APBB2: variants seen among roughly 807,000 people sequenced by gnomAD.
APBB2 encodes the protein Fe65-like 1.
In APBB2, 38 loss-of-function variants were observed where a neutral mutation model predicts 82.5. The observed-to-expected ratio is 0.46, with a 90% CI of 0.36 to 0.60. APBB2 has a LOEUF of 0.60. Ranked by LOEUF, APBB2 falls within the 20% of genes least tolerant of loss-of-function variation. The pLI is 0.00. For missense variants in APBB2, 772 were observed against 972.3 expected (o/e 0.79, Z 2.74); for synonymous variants, 341 against 368.2 (o/e 0.93, Z 0.85).
intron 4 of APBB2, among the ~76,000 whole-genome samples, chr4:41,042,797 A>T (rs1296268822): frequency 2.0e-5 from 3 of 152,198 alleles, no homozygotes; most frequent in African/African-American, 7.2e-5. Flanking sequence ...CTCAGCAGAG[A>T]CTATGAGAAG....
intron 10 of APBB2, among the ~76,000 whole-genome samples, chr4:40,928,682 C>T (rs1164496063): frequency 6.6e-6 from 1 of 151,874 alleles, no homozygotes; most frequent in Non-Finnish European, 1.5e-5. Flanking sequence ...GATCAGAATT[C>T]GAGGTCAGCC....
At chr4:41,020,900 C>G (rs547181892) in intron 5 of APBB2, among the ~76,000 whole-genome samples, 50 of 152,144 alleles carry the variant, frequency 3.3e-4, no homozygotes, top group Non-Finnish European at 5.7e-4. Flanking sequence ...GTTGTTTTTA[C>G]ACTAACAGGT....
chr4:40,822,208 G>A, intron 16 of APBB2, 158 bp from the exon 17 acceptor site: 1 of 780,650 alleles, frequency 1.3e-6, no homozygotes, highest in Non-Finnish European at 2.0e-6. Context: ...AATGTCTGAA[G>A]AGGCCATCAC....
At chr4:41,088,243 T>C (rs1343181615) in intron 3 of APBB2, among the ~76,000 whole-genome samples, 2 of 152,140 alleles carry the variant, frequency 1.3e-5, no homozygotes, top group Non-Finnish European at 1.5e-5. Flanking sequence ...CTAATCGAAC[T>C]CCTGAGCTAA....
At chr4:40,871,443 C>T (rs892736846) in intron 12 of APBB2, among the ~76,000 whole-genome samples, 7 of 152,244 alleles carry the variant, frequency 4.6e-5, no homozygotes, top group African/African-American at 1.7e-4. Flanking sequence ...CCGCACCCGG[C>T]CTCAACTCCT....
chr4:41,031,757 C>T (rs115740401), intron 5 of APBB2, among the ~76,000 whole-genome samples: 3,943 of 152,164 alleles, frequency 0.026, 157 homozygotes, highest in African/African-American at 0.09. Flanking sequence ...CTATTAATAA[C>T]CTATCTCATA....
chr4:41,113,758 T>C (rs1387910065), intron 2 of APBB2, among the ~76,000 whole-genome samples: 3 of 152,118 alleles, frequency 2.0e-5, no homozygotes, highest in African/African-American at 7.2e-5. Flanking sequence ...AGCTTCCTTA[T>C]TTTTTTGGAG....
intron 6 of APBB2, among the ~76,000 whole-genome samples, chr4:40,964,777 A>ACACACACACACACACACACACACAC (rs1560401538): frequency 2.2e-4 from 1 of 4,446 alleles, no homozygotes; most frequent in Non-Finnish European, 1.2e-3. Context: ...CACACACACA[A>ACACACACACACACACACACACACAC]CAATGCACAT....
chr4:40,839,393 C>T (rs181618247), intron 12 of APBB2, among the ~76,000 whole-genome samples: 6 of 152,148 alleles, frequency 3.9e-5, no homozygotes, highest in South Asian at 2.1e-4. Flanking sequence ...CTCACCTGTC[C>T]TTTTCTGTTA....
chr4:41,098,372 C>G (rs1744267983), intron 3 of APBB2, among the ~76,000 whole-genome samples: 1 of 152,022 alleles, frequency 6.6e-6, no homozygotes, highest in Non-Finnish European at 1.5e-5. Flanking sequence ...TTTGTAGAGA[C>G]AGGGTCTCTT....
At chr4:40,890,296 T>A in intron 12 of APBB2, 68 bp downstream of exon 12, 2 of 1,545,010 alleles carry the variant, frequency 1.3e-6, no homozygotes, top group Non-Finnish European at 1.7e-6. Flanking sequence ...TGCGAGCCCA[T>A]GCTTTGGTGT....
chr4:40,914,234 A>C (rs918663934), intron 10 of APBB2, among the ~76,000 whole-genome samples: 2 of 152,074 alleles, frequency 1.3e-5, no homozygotes, highest in Non-Finnish European at 2.9e-5. Flanking sequence ...TTAGCCAGGC[A>C]TGGTGGCAGG....
intron 12 of APBB2, among the ~76,000 whole-genome samples, chr4:40,869,067 C>T (rs550640297): frequency 3.9e-5 from 6 of 152,062 alleles, no homozygotes; most frequent in African/African-American, 7.2e-5. Context: ...CTTGCTCTGT[C>T]GCCCAGGCTG....
rs756548651 is a variant in APBB2, at chr4:41,014,313, T to G, written c.105A>C (p.Pro35=). ...AGGATCGGAGGTTAAGGGTGTTTGGTGGTGTGGCTGGGCTGTTCCGATTTG... is the reference window on the plus strand; with the variant it reads ...AGGATCGGAGGTTAAGGGTGTTTGGGGGTGTGGCTGGGCTGTTCCGATTTG... ...DVTNRNSPAT[P]PNTLNLRSSH... The change falls in exon 6 of 18, where the codon CCA becomes CCC. Residue 35 remains proline (P), a synonymous_variant. Transcript: ENST00000508593. The G allele has an allele frequency of 1.9e-6, 3 of 1,613,974 alleles. No individual in the cohort carries two copies. The African/African-American group carries it at 4.0e-5, about 22-fold the overall frequency.
At chr4:41,172,457 A>T (rs1580612147) in intron 1 of APBB2, among the ~76,000 whole-genome samples, 1 of 152,308 alleles carries the variant, frequency 6.6e-6, no homozygotes, top group Non-Finnish European at 1.5e-5. Context: ...AGCACCCTTT[A>T]TGTTCTCATA....
At chr4:41,017,639 G>A (rs1418900633) in intron 5 of APBB2, among the ~76,000 whole-genome samples, 1 of 150,232 alleles carries the variant, frequency 6.7e-6, no homozygotes, top group African/African-American at 2.5e-5. Flanking sequence ...CACTTTGTAC[G>A]AGTTTATAAC....
intron 2 of APBB2, among the ~76,000 whole-genome samples, chr4:41,112,140 T>C (rs542175682): frequency 2.6e-5 from 4 of 152,278 alleles, no homozygotes; most frequent in Admixed American, 1.3e-4. Context: ...AAAGAAATGA[T>C]CCTTGGAGAA....
intron 12 of APBB2, chr4:40,880,765 C>T (rs1197474094): frequency 1.0e-6 from 1 of 985,294 alleles, no homozygotes; most frequent in Admixed American, 6.1e-5. Context: ...AGATCATCAT[C>T]AGACTTTTCT....
At chr4:40,880,753 G>C (rs1024840487) in intron 12 of APBB2, 2 of 985,252 alleles carry the variant, frequency 2.0e-6, no homozygotes. Context: ...GAAGCTGTTC[G>C]AAGATCATCA....
Sources: gnomAD v4.1 joint callset for allele counts (sites outside exome capture counted in the v4.1 genomes callset) on GRCh38, gnomAD v4.1.1 for gene constraint, MANE v1.5 for transcripts, NCBI Gene and HGNC (gene_info 2026-07-23, HGNC 2026-07-21) for gene names.